Variants in OPN3 observed in about 807,000 individuals in gnomAD.
OPN3 encodes the protein opsin-3.
OPN3 carries 29 observed loss-of-function variants against 33.8 expected under a neutral mutation model. The ratio of observed to expected loss-of-function variants is 0.86; its 90% CI spans 0.64 to 1.17. The LOEUF (loss-of-function observed/expected upper bound fraction) is 1.17, where lower values mean the gene tolerates loss of function less well. OPN3 is among the 50% of genes most tolerant of loss of function. OPN3 has a pLI of 0.00. For missense variants in OPN3, 437 were observed against 514.1 expected, an observed-to-expected ratio of 0.85 and a Z score of 1.45; for synonymous variants, 216 against 216.1, an observed-to-expected ratio of 1.00 and a Z score of 0.00.
chr1:241,594,936 C>T (rs1280985001), intron 3 of OPN3: 2 of 436,506 alleles, frequency 4.6e-6, no homozygotes, highest in African/African-American at 2.0e-5. Flanking sequence ...ATCCTCCAAG[C>T]TTCAATCTGC....
In OPN3 at chr1:241,615,862, A is replaced by G. The variant is rs769180392; in HGVS notation, c.374-11283T>C. The G allele has an allele frequency of 1.5e-5, 7 of 456,550 alleles. No individual in the cohort carries two copies. In the East Asian group the frequency reaches 3.5e-4, roughly 23 times the overall value. 28.3% of individuals were successfully genotyped at this position (456,550 alleles called of 1,614,324 possible). A position where few individuals can be genotyped will look rare whatever the true frequency, so the allele number is the denominator to read the frequency against. On this transcript the variant is annotated intron_variant, in intron 1 of 3. Coordinates refer to ENST00000366554, the MANE Select transcript of OPN3 (RefSeq NM_014322.3). ...TCACCACCATTGCATACCTGCATGC[A>G]GATAGTGCCTTGCTGCACTGGACCC...
At chr1:241,599,036 CAT>C (rs1396543243) in intron 2 of OPN3, among the ~76,000 whole-genome samples, 6 of 152,118 alleles carry the variant, frequency 3.9e-5, no homozygotes, top group African/African-American at 1.4e-4. Context: ...TCATTTAGAA[CAT>C]GTGCTTAGAT....
intron 1 of OPN3, chr1:241,635,157 T>C (rs774735034): frequency 3.1e-6 from 5 of 1,612,972 alleles, no homozygotes; most frequent in South Asian, 1.1e-5. Context: ...TCTTCTACTG[T>C]AGATTTGCTT....
At chr1:241,604,988 C>T (rs933658288) in intron 1 of OPN3, among the ~76,000 whole-genome samples, 7 of 149,714 alleles carry the variant, frequency 4.7e-5, no homozygotes, top group East Asian at 2.0e-4. Context: ...CCAGAGAGGT[C>T]GAGGTTGCAG....
intron 1 of OPN3, chr1:241,628,794 T>G (rs1664500045): frequency 6.6e-6 from 1 of 152,232 alleles, no homozygotes. Flanking sequence ...GAAATGTATA[T>G]TTTAATTTAA....
Position 241,593,355 on chromosome 1 carries a change from CTTT to C in OPN3, c.*1070_*1072del, listed in dbSNP as rs1663388645. 2.3e-6 allele frequency: 1 copy of C among 437,310 alleles called. No homozygotes were observed. The highest frequency in any genetic ancestry group is 1.7e-5 in the South Asian group (1 of 59,912). The allele number at this position is 437,310 out of a possible 1,614,324, so 27.1% of individuals were successfully genotyped here. On this transcript the variant is annotated 3_prime_UTR_variant, in exon 4 of 4. Coordinates refer to ENST00000366554, the MANE Select transcript of OPN3 (RefSeq NM_014322.3). ...GAAATGTTTTCTTTGGTTCATCCTT[CTTT>C]AACAGGCTGCTGAGTCACTCAGAAA...
At chr1:241,597,648 TAA>T in intron 3 of OPN3, 96 bp downstream of exon 3, 1 of 1,202,774 alleles carries the variant, frequency 8.3e-7, no homozygotes. Context: ...GTTTTTTTTT[TAA>T]TTGAAGCGAC....
intron 1 of OPN3, chr1:241,615,711 G>T: frequency 2.5e-6 from 1 of 395,032 alleles, no homozygotes. Context: ...CTCTATTCGT[G>T]TGCCATCCCA....
intron 1 of OPN3, among the ~76,000 whole-genome samples, chr1:241,623,248 T>A (rs1394559152): frequency 6.6e-6 from 1 of 152,180 alleles, no homozygotes; most frequent in Non-Finnish European, 1.5e-5. Context: ...TTTGCAGTAC[T>A]CTCATTCACT....
intron 2 of OPN3, among the ~76,000 whole-genome samples, chr1:241,598,830 A>G (rs1054148529): frequency 1.3e-5 from 2 of 152,234 alleles, no homozygotes; most frequent in Non-Finnish European, 2.9e-5. Context: ...CTCTCTAAAC[A>G]TTGTAATAAG....
chr1:241,635,025 A>G (rs767656205), intron 1 of OPN3: 3 of 1,613,394 alleles, frequency 1.9e-6, no homozygotes, highest in Middle Eastern at 1.7e-4. Context: ...GATTTGATTA[A>G]AAGATCAATT....
At chr1:241,637,982 A>G (rs1664964464) in intron 1 of OPN3, among the ~76,000 whole-genome samples, 1 of 152,114 alleles carries the variant, frequency 6.6e-6, no homozygotes, top group South Asian at 2.1e-4. Flanking sequence ...CCTTTTCTTC[A>G]TCCTTAACCT....
chr1:241,640,277 C>T lies in OPN3; in HGVS notation c.-23G>A. 3 of 1,167,238 alleles carry T rather than the reference C, an allele frequency of 2.6e-6. No individual in the cohort carries two copies. The highest frequency in any genetic ancestry group is 3.2e-6 in the Non-Finnish European group (3 of 949,080). 72.3% of individuals were successfully genotyped at this position (1,167,238 alleles called of 1,614,324 possible). ...CATGGCCCGGCGCCGGCGCGCCTGG[C>T]GGGCGGAGGCGCTCAGCTTGCGGCG... On this transcript the variant is annotated 5_prime_UTR_variant, in exon 1 of 4. Transcript: ENST00000366554.
intron 2 of OPN3, among the ~76,000 whole-genome samples, chr1:241,599,196 G>T (rs1663617277): frequency 6.6e-6 from 1 of 151,948 alleles, no homozygotes; most frequent in African/African-American, 2.4e-5. Context: ...TTTTTTTAGG[G>T]TAGAGAGACT....
chr1:241,616,059 C>T (rs1664116956), intron 1 of OPN3: 2 of 432,478 alleles, frequency 4.6e-6, no homozygotes, highest in East Asian at 7.1e-5. Context: ...TTTCAAGCTG[C>T]GTTAGTATCA....
At chr1:241,616,107 C>G (rs1664118655) in intron 1 of OPN3, among the ~76,000 whole-genome samples, 1 of 152,190 alleles carries the variant, frequency 6.6e-6, no homozygotes, top group Non-Finnish European at 1.5e-5. Flanking sequence ...GACCCAGTGA[C>G]CAATCGTGGC....
In OPN3 at chr1:241,639,944, C is replaced by T. The variant is rs1458990221; in HGVS notation, c.311G>A (p.Arg104Lys). The change falls in exon 1 of 4, where the codon AGG (arginine) becomes AAG (lysine). Residue 104 changes from arginine (R) to lysine (K), a missense_variant. Arg to Lys is a conservative substitution (Grantham distance 26). Coordinates refer to ENST00000366554, the MANE Select transcript of OPN3 (RefSeq NM_014322.3). ...GVTFTFVSCL[R>K]NGWVWDTVGC... ...CACGGTGTCCCACACCCAGCCGTTC[C>T]TCAGGCAGGACACGAAGGTAAAGGT... The T allele has an allele frequency of 6.2e-7, 1 of 1,608,754 alleles. No homozygotes were observed. Among genetic ancestry groups the T allele is most frequent in the Non-Finnish European group, 8.5e-7 (1 of 1,177,892 alleles).
In OPN3 at chr1:241,639,901, C is replaced by T; in HGVS notation, c.354G>A (p.Gly118=). The T allele has an allele frequency of 1.3e-6, 2 of 1,591,352 alleles. No homozygotes were observed. The highest frequency in any genetic ancestry group is 1.7e-6 in the Non-Finnish European group (2 of 1,169,318). Residue 118 remains glycine, a synonymous_variant, in exon 1 of 4, where the codon GGG becomes GGA. Coordinates refer to ENST00000366554, the MANE Select transcript of OPN3 (RefSeq NM_014322.3). ...VWDTVGCVWD[G]FSGSLFGIVS... Reference sequence around the variant, plus strand: ...ACTCACCGAAGAGGCTGCCGCTAAACCCGTCCCACACGCAGCCCACGGTGT... The same window carrying T: ...ACTCACCGAAGAGGCTGCCGCTAAATCCGTCCCACACGCAGCCCACGGTGT...
At position 241,634,263 on chromosome 1, in the gene OPN3, T is replaced by C. The variant is rs758772974; in HGVS notation, c.373+5619A>G. ...AAATGTACCAGATAGGTGTCCTTCA[T>C]GCATGTCATGGTTGAAGAACATAAT... On this transcript the variant is annotated intron_variant, in intron 1 of 3. Coordinates refer to ENST00000366554, the MANE Select transcript of OPN3 (RefSeq NM_014322.3). The C allele has an allele frequency of 1.5e-5, 25 of 1,613,992 alleles. No homozygotes were observed. In the South Asian group the frequency reaches 2.5e-4, roughly 16 times the overall value.
Sources: gnomAD v4.1 joint callset for allele counts (sites outside exome capture counted in the v4.1 genomes callset) on GRCh38, gnomAD v4.1.1 for gene constraint, MANE v1.5 for transcripts, NCBI Gene and HGNC (gene_info 2026-07-23, HGNC 2026-07-21) for gene names.